The following TRIM44 variants were observed in gnomAD, a reference collection of about 807,000 sequenced individuals.
The protein encoded by TRIM44 is tripartite motif containing 44.
Under a neutral mutation model 37.4 loss-of-function variants are expected in TRIM44, and 13 were observed. The ratio of observed to expected loss-of-function variants is 0.35; its 90% CI spans 0.23 to 0.55. The LOEUF (loss-of-function observed/expected upper bound fraction) is 0.55, where lower values mean the gene tolerates loss of function less well. Among genes scored for constraint, TRIM44 ranks in the 20% least tolerant of loss-of-function variants. The pLI, the probability that TRIM44 is intolerant of heterozygous loss-of-function variation, is 0.89. For missense variants in TRIM44, 426 were observed against 437.2 expected, an observed-to-expected ratio of 0.97 and a Z score of 0.23; for synonymous variants, 175 against 157.2, an observed-to-expected ratio of 1.11 and a Z score of -0.85.
intron 4 of TRIM44, among the ~76,000 whole-genome samples, chr11:35,772,245 G>T (rs1852882915): frequency 6.6e-6 from 1 of 152,240 alleles, no homozygotes. Flanking sequence ...TAAGTTTGCT[G>T]CAGGGGCGGG....
chr11:35,791,959 T>C (rs1254507664), intron 4 of TRIM44, among the ~76,000 whole-genome samples: 2 of 152,130 alleles, frequency 1.3e-5, no homozygotes, highest in Non-Finnish European at 2.9e-5. Flanking sequence ...TGAATTTAGT[T>C]GAGTACTCAT....
At position 35,816,908 on chromosome 11, in the gene TRIM44, T is replaced by G. The variant is rs1853586349; in HGVS notation, c.*10523T>G. 1 of 152,224 alleles carries G rather than the reference T, an allele frequency of 6.6e-6. No individual in the cohort carries two copies. Among genetic ancestry groups the G allele is most frequent in the Non-Finnish European group, 1.5e-5 (1 of 68,048 alleles). The allele number at this position is 152,224 out of a possible 1,614,324, so 9.4% of individuals were successfully genotyped here. On this transcript the variant is annotated 3_prime_UTR_variant, in exon 5 of 5. Transcript: ENST00000299413. ...CATGTTGCCCCTCACTGAGCTGCTC[T>G]GCTCACCTCTAGATGCTCCCCATGG...
chr11:35,677,486 G>A (rs1737281136), intron 1 of TRIM44, among the ~76,000 whole-genome samples: 1 of 151,830 alleles, frequency 6.6e-6, no homozygotes, highest in African/African-American at 2.4e-5. Context: ...TCAATGTATT[G>A]TTATTTAATT....
chr11:35,669,613 C>T (rs991942240), intron 1 of TRIM44, among the ~76,000 whole-genome samples: 1 of 151,948 alleles, frequency 6.6e-6, no homozygotes, highest in Non-Finnish European at 1.5e-5. Flanking sequence ...GTAGCTGGAA[C>T]TGCAGGCGCC....
At chr11:35,673,638 A>T (rs539038144) in intron 1 of TRIM44, among the ~76,000 whole-genome samples, 1 of 152,196 alleles carries the variant, frequency 6.6e-6, no homozygotes, top group Non-Finnish European at 1.5e-5. Context: ...GGCTTTCTCT[A>T]TTCTCTCTCC....
intron 4 of TRIM44, among the ~76,000 whole-genome samples, chr11:35,800,757 G>A (rs1787593550): frequency 6.6e-6 from 1 of 152,194 alleles, no homozygotes; most frequent in Admixed American, 6.5e-5. Flanking sequence ...AGAGACAGCT[G>A]TATGAATGAG....
intron 2 of TRIM44, among the ~76,000 whole-genome samples, chr11:35,704,113 G>A (rs1590523520): frequency 1.3e-5 from 2 of 152,300 alleles, no homozygotes; most frequent in South Asian, 4.1e-4. Context: ...CGTGAAGAAT[G>A]CAGAAGCCTC....
chr11:35,725,060 ACACACT>A (rs760913928), intron 2 of TRIM44, among the ~76,000 whole-genome samples: 5,935 of 99,290 alleles, frequency 0.06, 389 homozygotes, highest in African/African-American at 0.26. Context: ...GGAGACATGC[ACACACT>A]CACACACACA....
Position 35,817,987 on chromosome 11 carries a change from A to G in TRIM44, c.*11602A>G, listed in dbSNP as rs1393323473. ...GTGCAGCCTGCAGAACTGTGAGCCAATTAAACCTCTTTATGAATTATGCAG... is the reference window on the plus strand; with the variant it reads ...GTGCAGCCTGCAGAACTGTGAGCCAGTTAAACCTCTTTATGAATTATGCAG... On this transcript the variant is annotated 3_prime_UTR_variant, in exon 5 of 5. Transcript: ENST00000299413. The G allele has an allele frequency of 2.0e-5, 3 of 152,180 alleles. No individual in the cohort carries two copies. Among genetic ancestry groups the G allele is most frequent in the Admixed American group, 6.5e-5 (1 of 15,282 alleles). 9.4% of individuals were successfully genotyped at this position (152,180 alleles called of 1,614,324 possible).
At chr11:35,708,463 G>A (rs1207360442) in intron 2 of TRIM44, among the ~76,000 whole-genome samples, 19 of 152,062 alleles carry the variant, frequency 1.2e-4, no homozygotes, top group African/African-American at 4.3e-4. Flanking sequence ...ACATGCACAT[G>A]TATGTTTATT....
chr11:35,714,361 A>C (rs1350412068), intron 2 of TRIM44, among the ~76,000 whole-genome samples: 1 of 152,164 alleles, frequency 6.6e-6, no homozygotes. Context: ...TTTACAAAGA[A>C]ACTTTTTATG....
rs533743581 is a variant in TRIM44 at position 35,809,324 on chromosome 11, C to T, written c.*2939C>T. ...CTCCCCCTAATTCTGTGGACAGGCA[C>T]TTTGTACCACACACCATGGTCCACC... On this transcript the variant is annotated 3_prime_UTR_variant, in exon 5 of 5. Transcript: ENST00000299413. The T allele has an allele frequency of 1.3e-5, 2 of 152,194 alleles. No individual in the cohort carries two copies. Among genetic ancestry groups the T allele is most frequent in the African/African-American group, 4.8e-5 (2 of 41,458 alleles). 9.4% of individuals were successfully genotyped at this position (152,194 alleles called of 1,614,324 possible). A position where few individuals can be genotyped will look rare whatever the true frequency, so the allele number is the denominator to read the frequency against.
chr11:35,765,912 A>G (rs1852792540), intron 4 of TRIM44, among the ~76,000 whole-genome samples: 1 of 152,200 alleles, frequency 6.6e-6, no homozygotes, highest in Admixed American at 6.5e-5. Context: ...TAAGAAACCA[A>G]AATCCATCCA....
chr11:35,687,234 G>A (rs529493748), intron 2 of TRIM44, among the ~76,000 whole-genome samples: 46 of 152,176 alleles, frequency 3.0e-4, no homozygotes, highest in Non-Finnish European at 5.3e-4. Flanking sequence ...CCATAGACTG[G>A]TGGGCTCTTC....
chr11:35,731,986 T>G (rs1852267019), intron 3 of TRIM44, among the ~76,000 whole-genome samples: 1 of 152,180 alleles, frequency 6.6e-6, no homozygotes, highest in Non-Finnish European at 1.5e-5. Flanking sequence ...AGACTGTCTA[T>G]AGTGAGGGTG....
At chr11:35,675,331 TA>T (rs1851448214) in intron 1 of TRIM44, among the ~76,000 whole-genome samples, 1 of 152,184 alleles carries the variant, frequency 6.6e-6, no homozygotes, top group Admixed American at 6.5e-5. Flanking sequence ...AAATCCAAAA[TA>T]ACCACTCCCA....
chr11:35,737,098 A>G (rs932643293), intron 4 of TRIM44, among the ~76,000 whole-genome samples: 1 of 152,178 alleles, frequency 6.6e-6, no homozygotes, highest in Non-Finnish European at 1.5e-5. Context: ...GGGGAGGCTT[A>G]CCAGAAAAGG....
At chr11:35,785,920 C>A (rs577434709) in intron 4 of TRIM44, among the ~76,000 whole-genome samples, 69 of 152,300 alleles carry the variant, frequency 4.5e-4, no homozygotes, top group Non-Finnish European at 8.7e-4. Context: ...GAGAGAGAAC[C>A]AGCCCCAAAG....
chr11:35,685,392 T>A, intron 2 of TRIM44, 56 bp downstream of exon 2: 1 of 1,461,412 alleles, frequency 6.8e-7, no homozygotes, highest in Non-Finnish European at 9.6e-7. Context: ...TCATTCTCCT[T>A]GAGCTAAAAT....
Sources: allele counts gnomAD v4.1 joint callset (sites outside exome capture counted in the v4.1 genomes callset), GRCh38; gene constraint gnomAD v4.1.1; transcripts MANE v1.5; gene names NCBI Gene and HGNC (gene_info 2026-07-23, HGNC 2026-07-21).